The following SORBS2 variants were observed in gnomAD, a reference collection of about 807,000 sequenced individuals.
SORBS2 encodes the protein sorbin and SH3 domain-containing protein 2.
A neutral mutation model predicts 97.7 loss-of-function variants in SORBS2; 46 were observed. The observed-to-expected ratio is 0.47, with a 90% CI of 0.37 to 0.60. The LOEUF (loss-of-function observed/expected upper bound fraction) is 0.60, where lower values mean the gene tolerates loss of function less well. Ranked by LOEUF, SORBS2 falls within the 20% of genes least tolerant of loss-of-function variation. SORBS2 has a pLI of 0.00. For missense variants in SORBS2, 1,316 were observed against 1,282.3 expected (o/e 1.03, Z -0.40); for synonymous variants, 476 against 473.4 (o/e 1.01, Z -0.07).
At chr4:185,671,481 G>A (rs983918330) in intron 4 of SORBS2, among the ~76,000 whole-genome samples, 1 of 152,138 alleles carries the variant, frequency 6.6e-6, no homozygotes, top group African/African-American at 2.4e-5. Flanking sequence ...TCCTTCATGT[G>A]TAAAATATAG....
chr4:185,763,432 G>A (rs1313585424), intron 2 of SORBS2, among the ~76,000 whole-genome samples: 2 of 151,748 alleles, frequency 1.3e-5, no homozygotes, highest in Non-Finnish European at 2.9e-5. Flanking sequence ...CCAAGCCCCC[G>A]ACCCCCCACC....
intron 8 of SORBS2, 90 bp from the exon 21 acceptor site, chr4:185,618,721 C>A (rs2096664434): frequency 2.9e-6 from 2 of 682,250 alleles, no homozygotes; most frequent in Admixed American, 4.8e-5. Context: ...AAAAGGAAAC[C>A]TCAGGGAATC....
rs28558632 is a variant in SORBS2 at position 185,605,827 on chromosome 4, T to C, written c.2796+5953A>G. Reference sequence around the variant, plus strand: ...CTCAAATTCCTGACCTCAGGTGATCTGCCTGCCTCGGCCTCTGGAAGTGCT... The same window carrying C: ...CTCAAATTCCTGACCTCAGGTGATCCGCCTGCCTCGGCCTCTGGAAGTGCT... On this transcript the variant is annotated intron_variant, in intron 12 of 14. Transcript: ENST00000418609. Among the ~76,000 whole-genome samples, 762 of 152,294 alleles carry C rather than the reference T, an allele frequency of 5.0e-3. 5 individuals carry two copies. The highest frequency in any genetic ancestry group is 0.018 in the African/African-American group (738 of 41,552).
chr4:185,670,643 A>G (rs1026647810), intron 4 of SORBS2, among the ~76,000 whole-genome samples: 2 of 150,740 alleles, frequency 1.3e-5, no homozygotes, highest in Non-Finnish European at 3.0e-5. Context: ...CTCGACCTCC[A>G]AAAGTGCTGG....
intron 1 of SORBS2, among the ~76,000 whole-genome samples, chr4:185,816,335 T>C (rs1475510905): frequency 3.3e-5 from 5 of 152,240 alleles, no homozygotes; most frequent in Non-Finnish European, 5.9e-5. Flanking sequence ...ACACGTCATA[T>C]GACTTAACTT....
intron 1 of SORBS2, among the ~76,000 whole-genome samples, chr4:185,897,307 C>A (rs750268206): frequency 6.6e-6 from 1 of 152,202 alleles, no homozygotes; most frequent in Non-Finnish European, 1.5e-5. Context: ...GGCCCCACCC[C>A]ACACCAGAAG....
intron 11 of SORBS2, among the ~76,000 whole-genome samples, chr4:185,613,183 G>A (rs2153406668): frequency 6.6e-6 from 1 of 152,288 alleles, no homozygotes; most frequent in Admixed American, 6.5e-5. Flanking sequence ...GGCACCTGAT[G>A]GTGTGATGGA....
chr4:185,749,431 C>T lies in SORBS2; in HGVS notation c.-198+25796G>A, dbSNP rs181373750. Among the ~76,000 whole-genome samples, 9 of 151,712 alleles carry T rather than the reference C, an allele frequency of 5.9e-5. 1 individual carries two copies. In the East Asian group the frequency reaches 9.7e-4, roughly 16 times the overall value. On this transcript the variant is annotated intron_variant, in intron 2 of 20. Coordinates refer to the SORBS2 transcript ENST00000284776. ...CCCTTCAGGGAGAAGGAGATAGAGT[C>T]GTCATTTTGTATTAAGCAATGACAA...
chr4:185,715,963 A>G (rs532444936), intron 2 of SORBS2, among the ~76,000 whole-genome samples: 7 of 152,376 alleles, frequency 4.6e-5, no homozygotes, highest in African/African-American at 1.7e-4. Flanking sequence ...GAGAGAGATT[A>G]GAAGTAACAT....
chr4:185,956,219 C>T (rs1468447344), exon 1 of SORBS2: 1 of 152,172 alleles, frequency 6.6e-6, no homozygotes, highest in African/African-American at 2.4e-5. Flanking sequence ...CATTCCAGCA[C>T]AGGAAAATCG....
At chr4:185,708,307 A>G (rs1180240819) in intron 2 of SORBS2, among the ~76,000 whole-genome samples, 1 of 152,226 alleles carries the variant, frequency 6.6e-6, no homozygotes, top group African/African-American at 2.4e-5. Flanking sequence ...CGATAAATAA[A>G]TGTGGTCAAG....
chr4:185,664,097 A>G (rs1413183990), intron 4 of SORBS2, among the ~76,000 whole-genome samples: 1 of 151,396 alleles, frequency 6.6e-6, no homozygotes, highest in Non-Finnish European at 1.5e-5. Context: ...CTCGTGATCC[A>G]CCCACCTCGG....
chr4:185,843,064 G>T (rs2099212572), intron 1 of SORBS2, among the ~76,000 whole-genome samples: 3 of 152,098 alleles, frequency 2.0e-5, no homozygotes, highest in African/African-American at 4.8e-5. Flanking sequence ...GGTGACACTG[G>T]GTACACCATG....
At chr4:185,687,736 T>A (rs1307917350) in intron 2 of SORBS2, among the ~76,000 whole-genome samples, 1 of 152,232 alleles carries the variant, frequency 6.6e-6, no homozygotes, top group Admixed American at 6.5e-5. Context: ...AAATGGAGGC[T>A]CTGTCTTTAA....
chr4:185,587,875 G>C lies in SORBS2; in HGVS notation c.2954-187C>G, dbSNP rs921529686. 3.8e-5 allele frequency: 20 copies of C among 530,718 alleles called. No homozygotes were observed. In the South Asian group the frequency reaches 4.9e-4, roughly 13 times the overall value. 32.9% of individuals were successfully genotyped at this position (530,718 alleles called of 1,614,324 possible). On this transcript the variant is annotated intron_variant, in intron 14 of 14. Coordinates refer to ENST00000418609, the Ensembl canonical transcript of SORBS2. Reference sequence around the variant, plus strand: ...AAGCAGTGTTAGCTGGTTGCCTGACGCTCTCACTGCCCCTCCGGCATAAAT... The same window carrying C: ...AAGCAGTGTTAGCTGGTTGCCTGACCCTCTCACTGCCCCTCCGGCATAAAT...
chr4:185,775,987 A>T (rs2098998037), intron 1 of SORBS2: 1 of 152,246 alleles, frequency 6.6e-6, no homozygotes, highest in South Asian at 2.1e-4. Flanking sequence ...GCAGACAAAC[A>T]GTGACCCCTG....
intron 1 of SORBS2, among the ~76,000 whole-genome samples, chr4:185,778,094 T>C (rs1219375748): frequency 6.6e-6 from 1 of 152,220 alleles, no homozygotes; most frequent in Non-Finnish European, 1.5e-5. Flanking sequence ...AATAGGATAT[T>C]TTGCTAAAAT....
Position 185,842,983 on chromosome 4 carries a change from G to A in SORBS2, c.-337-67617C>T, listed in dbSNP as rs112272925. 1.7e-4 allele frequency among the ~76,000 whole-genome samples: 26 copies of A among 151,508 alleles called. 1 individual carries two copies. The highest frequency in any genetic ancestry group is 5.8e-4 in the African/African-American group (24 of 41,296). ...AACATGCTTCTAGGACAGGCAGCTG[G>A]CAGGCAATTAGATAAATAAGACTGC... On this transcript the variant is annotated intron_variant, in intron 1 of 20. Transcript: ENST00000284776.
intron 12 of SORBS2, among the ~76,000 whole-genome samples, chr4:185,609,736 A>C (rs1454862195): frequency 3.3e-5 from 5 of 152,230 alleles, no homozygotes; most frequent in African/African-American, 1.2e-4. Context: ...GTGTCACCAG[A>C]GTGATTTATA....
Sources: gnomAD v4.1 joint callset for allele counts (sites outside exome capture counted in the v4.1 genomes callset) on GRCh38, gnomAD v4.1.1 for gene constraint, MANE v1.5 for transcripts, NCBI Gene and HGNC (gene_info 2026-07-23, HGNC 2026-07-21) for gene names.